Variants in WDR64 observed in about 807,000 individuals in gnomAD.
WDR64 encodes WD repeat domain 64.
WDR64 carries 112 observed loss-of-function variants against 139.3 expected under a neutral mutation model. The observed-to-expected ratio is 0.80, with a 90% confidence interval of 0.69 to 0.94. The LOEUF is 0.94. WDR64 is among the 40% of genes least tolerant of loss of function. The pLI, the probability that WDR64 is intolerant of heterozygous loss-of-function variation, is 0.00. For missense variants in WDR64, 1,206 were observed against 1,293.1 expected, an observed-to-expected ratio of 0.93 and a Z score of 1.03; for synonymous variants, 444 against 437.7, an observed-to-expected ratio of 1.01 and a Z score of -0.18.
At chr1:241,675,409 T>C (rs1434609077) in intron 4 of WDR64, among the ~76,000 whole-genome samples, 1 of 152,050 alleles carries the variant, frequency 6.6e-6, no homozygotes, top group Non-Finnish European at 1.5e-5. Context: ...TTCCAAAAAA[T>C]AAATCCAAAT....
At chr1:241,777,338 T>C (rs1162163735) in intron 21 of WDR64, among the ~76,000 whole-genome samples, 1 of 152,180 alleles carries the variant, frequency 6.6e-6, no homozygotes, top group Non-Finnish European at 1.5e-5. Context: ...CTTTCTAATG[T>C]ATGCATTGAA....
intron 9 of WDR64, among the ~76,000 whole-genome samples, chr1:241,719,283 A>G (rs1339938421): frequency 6.6e-6 from 1 of 152,194 alleles, no homozygotes; most frequent in Non-Finnish European, 1.5e-5. Flanking sequence ...TTCAAAAAAT[A>G]TCTTTTGAAT....
At chr1:241,737,539 G>A (rs1669376250) in intron 10 of WDR64, among the ~76,000 whole-genome samples, 1 of 152,094 alleles carries the variant, frequency 6.6e-6, no homozygotes, top group Non-Finnish European at 1.5e-5. Context: ...TTATTTAAGG[G>A]CTGACGTAGA....
intron 7 of WDR64, among the ~76,000 whole-genome samples, chr1:241,686,684 G>C (rs1464822978): frequency 6.6e-6 from 1 of 152,096 alleles, no homozygotes; most frequent in Non-Finnish European, 1.5e-5. Flanking sequence ...TGAACTGATG[G>C]CCAACACTCT....
intron 9 of WDR64, among the ~76,000 whole-genome samples, chr1:241,722,773 A>G (rs780588104): frequency 9.9e-5 from 15 of 152,206 alleles, no homozygotes; most frequent in Non-Finnish European, 2.1e-4. Context: ...AAAAAACCAT[A>G]TTTATTCTAT....
intron 19 of WDR64, 54 bp downstream of exon 19, chr1:241,771,751 G>A (rs1169565420): frequency 5.7e-5 from 71 of 1,238,040 alleles, no homozygotes; most frequent in Non-Finnish European, 7.0e-5. Flanking sequence ...TTTGCAAGAG[G>A]GCATTTAGGT....
At chr1:241,756,097 A>G (rs1670178798) in intron 14 of WDR64, among the ~76,000 whole-genome samples, 1 of 152,212 alleles carries the variant, frequency 6.6e-6, no homozygotes, top group Non-Finnish European at 1.5e-5. Flanking sequence ...AATTCTGTGA[A>G]GAAAGTCAAT....
rs1403690572 is a variant in WDR64 at position 241,801,840 on chromosome 1, T to C, written c.*625T>C. ...AGAAAAAGCATAGTAACATGGTAGA[T>C]TTAACCTTAAATATATCAATAATTA... On this transcript the variant is annotated 3_prime_UTR_variant, in exon 28 of 28. Coordinates refer to ENST00000437684, the MANE Select transcript of WDR64 (RefSeq NM_001367482.1). 7.5e-6 allele frequency: 3 copies of C among 398,082 alleles called. No individual in the cohort carries two copies. Among genetic ancestry groups the C allele is most frequent in the Non-Finnish European group, 4.4e-6 (1 of 225,894 alleles). The allele number at this position is 398,082 out of a possible 1,614,324, so 24.7% of individuals were successfully genotyped here. A position where few individuals can be genotyped will look rare whatever the true frequency, so the allele number is the denominator to read the frequency against.
intron 10 of WDR64, among the ~76,000 whole-genome samples, chr1:241,727,814 A>G (rs1463486311): frequency 6.6e-6 from 1 of 151,282 alleles, no homozygotes; most frequent in Non-Finnish European, 1.5e-5. Flanking sequence ...TTGAGCCAGG[A>G]GGATTGCTTG....
At chr1:241,678,079 T>G (rs764923061) in intron 4 of WDR64, 108 bp from the exon 5 acceptor site, 12 of 397,610 alleles carry the variant, frequency 3.0e-5, no homozygotes, top group Non-Finnish European at 4.9e-5. Flanking sequence ...GAAGGCAGAA[T>G]GACAACTGAG....
In WDR64 at chr1:241,671,134, T is replaced by C. The variant is rs563740510; in HGVS notation, c.337T>C (p.Leu113=). 2 of 1,550,986 alleles carry C rather than the reference T, an allele frequency of 1.3e-6. No homozygotes were observed. The highest frequency in any genetic ancestry group is 2.0e-5 in the Admixed American group (1 of 50,914). Residue 113 remains leucine, a synonymous_variant, in exon 3 of 28, where the codon TTG becomes CTG. Transcript: ENST00000437684. ...TGCTTCCCAGTTGGATGAAGAAAAT[T>C]TGGTTTTCTTTGTGTCTAGAAAAAG... is the stretch of plus-strand genomic sequence containing the variant. ...PIASQLDEEN[L]VFFVSRKRRI...
At chr1:241,686,682 T>C (rs1400353793) in intron 7 of WDR64, among the ~76,000 whole-genome samples, 1 of 152,216 alleles carries the variant, frequency 6.6e-6, no homozygotes, top group Non-Finnish European at 1.5e-5. Flanking sequence ...TGTGAACTGA[T>C]GGCCAACACT....
intron 8 of WDR64, among the ~76,000 whole-genome samples, chr1:241,707,712 A>G (rs1297438905): frequency 6.6e-6 from 1 of 152,192 alleles, no homozygotes; most frequent in Non-Finnish European, 1.5e-5. Context: ...CTGGGACGCC[A>G]TCCACAAAGG....
At chr1:241,702,951 A>G (rs959136717) in intron 8 of WDR64, among the ~76,000 whole-genome samples, 1 of 152,172 alleles carries the variant, frequency 6.6e-6, no homozygotes, top group Non-Finnish European at 1.5e-5. Flanking sequence ...AATTTTGCCA[A>G]TGTCTGATGT....
At chr1:241,777,721 C>A (rs1658710622) in intron 21 of WDR64, among the ~76,000 whole-genome samples, 1 of 152,064 alleles carries the variant, frequency 6.6e-6, no homozygotes, top group African/African-American at 2.4e-5. Context: ...CTTGGCCTCA[C>A]CTTTATTTAA....
At chr1:241,665,331 C>T (rs1215260931) in intron 2 of WDR64, among the ~76,000 whole-genome samples, 1 of 152,170 alleles carries the variant, frequency 6.6e-6, no homozygotes, top group East Asian at 1.9e-4. Flanking sequence ...ACTTTCTGGG[C>T]TTCAGATCCA....
intron 8 of WDR64, among the ~76,000 whole-genome samples, chr1:241,694,605 C>T (rs752036701): frequency 6.6e-6 from 1 of 152,114 alleles, no homozygotes; most frequent in Non-Finnish European, 1.5e-5. Flanking sequence ...GCTGGCAATT[C>T]GTGATACATT....
chr1:241,752,200 A>G (rs1055766211), intron 14 of WDR64, among the ~76,000 whole-genome samples: 4 of 152,202 alleles, frequency 2.6e-5, no homozygotes, highest in African/African-American at 9.6e-5. Flanking sequence ...CTGTTTTCCT[A>G]ATCAATTCCT....
chr1:241,750,974 CTTATTA>C (rs796564263), intron 14 of WDR64, among the ~76,000 whole-genome samples: 3 of 152,002 alleles, frequency 2.0e-5, no homozygotes, highest in African/African-American at 4.8e-5. Flanking sequence ...TCCTTATTTA[CTTATTA>C]TTATTAGTGT....
Sources: gnomAD v4.1 joint callset for allele counts (sites outside exome capture counted in the v4.1 genomes callset) on GRCh38, gnomAD v4.1.1 for gene constraint, MANE v1.5 for transcripts, NCBI Gene and HGNC (gene_info 2026-07-23, HGNC 2026-07-21) for gene names.